MTSS1: variants seen among roughly 807,000 people sequenced by gnomAD.
The protein encoded by MTSS1 is MTSS I-BAR domain containing 1.
MTSS1 carries 18 observed loss-of-function variants against 79.0 expected under a neutral mutation model. The ratio of observed to expected loss-of-function variants is 0.23; its 90% CI spans 0.16 to 0.34. MTSS1 has a LOEUF of 0.34. Ranked by LOEUF, MTSS1 falls within the 10% of genes least tolerant of loss-of-function variation. The probability of loss-of-function intolerance (pLI) is 1.00; values close to 1 mark genes in which losing one functional copy is unlikely to be tolerated. For synonymous variants in MTSS1, 341 were observed against 368.6 expected, an observed-to-expected ratio of 0.93 and a Z score of 0.86; for missense variants, 815 against 986.2, an observed-to-expected ratio of 0.83 and a Z score of 2.33.
chr8:124,636,233 G>A lies in MTSS1; in HGVS notation c.209-44998C>T, dbSNP rs139876543. ...CAACCTCTGCCTCCTAGGTTCAAGCGATTCTCCTGCCTCAGCCTCTGGAGT... is the reference window on the plus strand; with the variant it reads ...CAACCTCTGCCTCCTAGGTTCAAGCAATTCTCCTGCCTCAGCCTCTGGAGT... On this transcript the variant is annotated intron_variant, in intron 3 of 13. Transcript: ENST00000518547. 8.1e-3 allele frequency among the ~76,000 whole-genome samples: 1,238 copies of A among 152,282 alleles called. 13 individuals carry two copies. Among genetic ancestry groups the A allele is most frequent in the African/African-American group, 0.028 (1,148 of 41,554 alleles).
Position 124,728,172 on chromosome 8 carries a change from G to T in MTSS1, c.-217C>A, listed in dbSNP as rs987470642. The T allele has an allele frequency of 9.3e-6, 4 of 429,716 alleles. No individual in the cohort carries two copies. The highest frequency in any genetic ancestry group is 8.4e-5 in the African/African-American group (4 of 47,782). The allele number at this position is 429,716 out of a possible 1,614,324, so 26.6% of individuals were successfully genotyped here. A position where few individuals can be genotyped will look rare whatever the true frequency, so the allele number is the denominator to read the frequency against. ...AGCCAAACCGCTCTGTAGGGTATTCGCCTACAAGCAGCGCTCGGCTCCTGG... is the reference window on the plus strand; with the variant it reads ...AGCCAAACCGCTCTGTAGGGTATTCTCCTACAAGCAGCGCTCGGCTCCTGG... On this transcript the variant is annotated 5_prime_UTR_variant, in exon 1 of 14. Coordinates refer to ENST00000518547, the MANE Select transcript of MTSS1 (RefSeq NM_014751.6). This position sits in a 1 kb window ranked among gnomAD's most constrained non-coding sequence, Gnocchi z 6.1.
intron 3 of MTSS1, among the ~76,000 whole-genome samples, chr8:124,689,623 G>A (rs1231042000): frequency 6.6e-6 from 1 of 151,710 alleles, no homozygotes; most frequent in Non-Finnish European, 1.5e-5. Flanking sequence ...GCGCATGCCT[G>A]TAATCCTAAC....
chr8:124,589,278 G>A (rs1368540145), intron 5 of MTSS1, among the ~76,000 whole-genome samples: 4 of 152,188 alleles, frequency 2.6e-5, no homozygotes, highest in Non-Finnish European at 5.9e-5. Flanking sequence ...TGATCCGCCC[G>A]CCTCGGCCTC....
At chr8:124,697,387 C>T (rs904098128) in intron 3 of MTSS1, among the ~76,000 whole-genome samples, 4 of 151,822 alleles carry the variant, frequency 2.6e-5, no homozygotes, top group African/African-American at 9.7e-5. Flanking sequence ...TGGTGAAACC[C>T]CATCTCTACT....
At position 124,683,559 on chromosome 8, in the gene MTSS1, G is replaced by A. The variant is rs939005592; in HGVS notation, c.208+15967C>T. Among the ~76,000 whole-genome samples, 6 of 152,204 alleles carry A rather than the reference G, an allele frequency of 3.9e-5. No homozygotes were observed. Among genetic ancestry groups the A allele is most frequent in the Admixed American group, 2.0e-4 (3 of 15,278 alleles). The stretch of plus-strand genomic sequence containing the variant: ...AGAAAACCTCAACTGGAGGCCAGAG[G>A]TGGGACACGCCCTAGGAAGCATCCA... On this transcript the variant is annotated intron_variant, in intron 3 of 13. Transcript: ENST00000518547. This position sits in a 1 kb window ranked among gnomAD's most constrained non-coding sequence, Gnocchi z 4.5.
chr8:124,645,390 T>A (rs1818823426), intron 3 of MTSS1, among the ~76,000 whole-genome samples: 1 of 152,058 alleles, frequency 6.6e-6, no homozygotes. Context: ...TGTCACCAAT[T>A]TTTAAAAGAA....
At chr8:124,562,713 G>T in intron 10 of MTSS1, 69 bp downstream of exon 10, 1 of 1,481,188 alleles carries the variant, frequency 6.8e-7, no homozygotes, top group Non-Finnish European at 9.4e-7. Flanking sequence ...TGCTTCTTTG[G>T]TTCTGGCCAC....
At chr8:124,600,671 C>G (rs1833634252) in intron 3 of MTSS1, among the ~76,000 whole-genome samples, 1 of 152,218 alleles carries the variant, frequency 6.6e-6, no homozygotes, top group Non-Finnish European at 1.5e-5. Flanking sequence ...CACTGGACAA[C>G]AGATCATGAC....
intron 3 of MTSS1, among the ~76,000 whole-genome samples, chr8:124,673,694 G>A (rs918098744): frequency 1.3e-5 from 2 of 152,230 alleles, no homozygotes; most frequent in African/African-American, 4.8e-5. Context: ...CGTTTCTCTT[G>A]CCTTGTGTTA....
At chr8:124,578,441 A>G (rs113338833) in intron 6 of MTSS1, among the ~76,000 whole-genome samples, 3,318 of 151,372 alleles carry the variant, frequency 0.022, 105 homozygotes, top group African/African-American at 0.073. Flanking sequence ...TCACTACCCT[A>G]CCCCCAGGCT....
intron 6 of MTSS1, among the ~76,000 whole-genome samples, chr8:124,569,957 T>C (rs1827389031): frequency 3.3e-5 from 5 of 152,070 alleles, no homozygotes; most frequent in Admixed American, 3.3e-4. Flanking sequence ...CATCTATCCC[T>C]CTTAGTGATG....
At chr8:124,624,529 T>C (rs1049229700) in intron 3 of MTSS1, among the ~76,000 whole-genome samples, 2 of 150,730 alleles carry the variant, frequency 1.3e-5, no homozygotes, top group African/African-American at 5.0e-5. Flanking sequence ...TCCAGAGTAA[T>C]GACAGAGGCA....
chr8:124,580,405 G>T, intron 6 of MTSS1: 1 of 801,688 alleles, frequency 1.2e-6, no homozygotes, highest in Non-Finnish European at 1.9e-6. Context: ...TTTTCTTAAA[G>T]TTGTGGAAAA....
chr8:124,682,769 G>C (rs1826337519), intron 3 of MTSS1, among the ~76,000 whole-genome samples: 1 of 152,204 alleles, frequency 6.6e-6, no homozygotes, highest in Admixed American at 6.5e-5. Context: ...ACCCAGTGTA[G>C]ACATTGTCCT....
intron 3 of MTSS1, among the ~76,000 whole-genome samples, chr8:124,601,073 T>TTC (rs1480193372): frequency 4.2e-4 from 62 of 147,598 alleles, no homozygotes; most frequent in African/African-American, 1.5e-3. Flanking sequence ...TTTTTTTTTT[T>TTC]TTTTTTTTTT....
chr8:124,584,403 AGGT>A (rs1830508438), intron 6 of MTSS1, among the ~76,000 whole-genome samples: 1 of 152,236 alleles, frequency 6.6e-6, no homozygotes, highest in Non-Finnish European at 1.5e-5. Flanking sequence ...CTACATTTTT[AGGT>A]GGTAGTAAAA....
chr8:124,641,059 C>CAA (rs1167541338), intron 3 of MTSS1, among the ~76,000 whole-genome samples: 2 of 131,994 alleles, frequency 1.5e-5, no homozygotes, highest in East Asian at 2.2e-4. Context: ...GTACATGTGG[C>CAA]AAAAAAAAAA....
intron 10 of MTSS1, chr8:124,558,763 T>G: frequency 1.3e-6 from 2 of 1,581,782 alleles, no homozygotes; most frequent in Middle Eastern, 1.7e-4. Flanking sequence ...CTGACAGAGG[T>G]GGGGGAGCTG....
chr8:124,618,012 G>A (rs1226334167), intron 3 of MTSS1, among the ~76,000 whole-genome samples: 1 of 152,110 alleles, frequency 6.6e-6, no homozygotes. Flanking sequence ...TCTGTCTTGG[G>A]TAAAGTATCA....
Sources: allele counts gnomAD v4.1 joint callset (sites outside exome capture counted in the v4.1 genomes callset), GRCh38; gene constraint gnomAD v4.1.1; non-coding constraint Gnocchi (gnomAD v3.1); transcripts MANE v1.5; gene names NCBI Gene and HGNC (gene_info 2026-07-23, HGNC 2026-07-21).